Variants in HPSE2 observed in about 807,000 individuals in gnomAD.
The protein encoded by HPSE2 is heparanase 2 (inactive), also known as inactive heparanase-2.
Under a neutral mutation model 60.5 loss-of-function variants are expected in HPSE2, and 38 were observed. The observed-to-expected ratio is 0.63, with a 90% CI of 0.48 to 0.82. The LOEUF is 0.82. HPSE2 is among the 40% of genes least tolerant of loss of function. HPSE2 has a pLI of 0.00. For synonymous variants in HPSE2, 295 were observed against 293.2 expected, an observed-to-expected ratio of 1.01 and a Z score of -0.06; for missense variants, 713 against 740.4, an observed-to-expected ratio of 0.96 and a Z score of 0.43.
chr10:99,048,838 T>A (rs1019654924), intron 3 of HPSE2, among the ~76,000 whole-genome samples: 2 of 152,134 alleles, frequency 1.3e-5, no homozygotes, highest in Non-Finnish European at 2.9e-5. Context: ...TAGGTATCCA[T>A]CAGTGGTGGA....
intron 3 of HPSE2, among the ~76,000 whole-genome samples, chr10:98,859,276 A>G (rs2134769514): frequency 6.6e-6 from 1 of 152,292 alleles, no homozygotes; most frequent in Non-Finnish European, 1.5e-5. Context: ...ACACACACAT[A>G]TACACTATCT....
chr10:98,639,609 C>A (rs10786450), intron 7 of HPSE2, among the ~76,000 whole-genome samples: 15,224 of 152,176 alleles, frequency 0.1, 1,285 homozygotes, highest in East Asian at 0.28. Flanking sequence ...AGAGTTTTAG[C>A]TCTTTTCCTT....
chr10:99,313,173 C>T, the HPSE2 span, among the ~76,000 whole-genome samples: 2 of 152,148 alleles, frequency 1.3e-5, no homozygotes, highest in Non-Finnish European at 2.9e-5. Flanking sequence ...TGAGGTATTG[C>T]TTTCTAGCAA....
chr10:98,880,445 TA>T (rs146993718), intron 3 of HPSE2, among the ~76,000 whole-genome samples: 2,897 of 152,132 alleles, frequency 0.019, 102 homozygotes, highest in East Asian at 0.15. Context: ...CTGTTAGGGT[TA>T]GGTCTTGCTC....
chr10:99,007,241 A>G (rs893400623), intron 3 of HPSE2, among the ~76,000 whole-genome samples: 3 of 151,854 alleles, frequency 2.0e-5, no homozygotes, highest in African/African-American at 7.3e-5. Flanking sequence ...GTCCACACAT[A>G]CCAGCCTGGA....
chr10:98,702,321 G>C (rs1005954318), intron 5 of HPSE2, among the ~76,000 whole-genome samples: 9 of 152,128 alleles, frequency 5.9e-5, no homozygotes, highest in African/African-American at 2.2e-4. Flanking sequence ...CAAGTTCTTA[G>C]AGACCTATAA....
chr10:99,214,617 T>G (rs1034571732), intron 2 of HPSE2, among the ~76,000 whole-genome samples: 7 of 152,086 alleles, frequency 4.6e-5, no homozygotes, highest in Non-Finnish European at 8.8e-5. Context: ...CTAAAGAGCA[T>G]CTACACATCA....
intron 9 of HPSE2, among the ~76,000 whole-genome samples, chr10:98,551,757 G>T (rs188674616): frequency 0.011 from 1,641 of 150,862 alleles, 14 homozygotes; most frequent in Non-Finnish European, 0.016. Flanking sequence ...TTTCTTTTTT[G>T]CTTAAGTTAG....
At chr10:98,830,576 C>T (rs1029266856) in intron 3 of HPSE2, among the ~76,000 whole-genome samples, 1 of 152,170 alleles carries the variant, frequency 6.6e-6, no homozygotes, top group Non-Finnish European at 1.5e-5. Flanking sequence ...TGCTTGATAG[C>T]TACTAAGTCT....
intron 9 of HPSE2, among the ~76,000 whole-genome samples, chr10:98,492,098 A>G (rs1159146589): frequency 2.0e-5 from 3 of 152,218 alleles, no homozygotes; most frequent in Admixed American, 6.5e-5. Context: ...AATTTGAAAA[A>G]GCTAAACAGG....
chr10:98,943,385 C>G (rs1185569012), intron 3 of HPSE2, among the ~76,000 whole-genome samples: 1 of 151,598 alleles, frequency 6.6e-6, no homozygotes, highest in Admixed American at 6.6e-5. Context: ...AATATATTAC[C>G]TATTAAAATA....
At chr10:98,474,318 T>C (rs1332676574) in intron 11 of HPSE2, among the ~76,000 whole-genome samples, 1 of 152,180 alleles carries the variant, frequency 6.6e-6, no homozygotes, top group Non-Finnish European at 1.5e-5. Context: ...CAGGTATCAT[T>C]AGTGAGAGAT....
intron 2 of HPSE2, among the ~76,000 whole-genome samples, chr10:99,229,971 T>G (rs1849592022): frequency 6.6e-6 from 1 of 152,198 alleles, no homozygotes; most frequent in African/African-American, 2.4e-5. Flanking sequence ...CAATGCAACA[T>G]GCAACAACAA....
intron 3 of HPSE2, among the ~76,000 whole-genome samples, chr10:99,003,668 T>A (rs1956826328): frequency 6.6e-6 from 1 of 152,114 alleles, no homozygotes; most frequent in South Asian, 2.1e-4. Flanking sequence ...TGCCCAGTTA[T>A]TAATCAGTTT....
chr10:98,986,870 C>T (rs574029637), intron 3 of HPSE2, among the ~76,000 whole-genome samples: 41 of 152,174 alleles, frequency 2.7e-4, no homozygotes, highest in African/African-American at 4.1e-4. Context: ...AACACCTCTA[C>T]GGAAATAAAC....
At chr10:98,916,522 T>C (rs746228160) in intron 3 of HPSE2, among the ~76,000 whole-genome samples, 3 of 152,230 alleles carry the variant, frequency 2.0e-5, no homozygotes, top group Non-Finnish European at 4.4e-5. Flanking sequence ...AAACTGTTTC[T>C]TGGTTTTATG....
chr10:98,624,947 T>C (rs1231045674), intron 7 of HPSE2, among the ~76,000 whole-genome samples: 1 of 152,250 alleles, frequency 6.6e-6, no homozygotes, highest in Non-Finnish European at 1.5e-5. Flanking sequence ...GGTAGGATTC[T>C]GAACTACCAT....
At chr10:99,068,829 G>A (rs1477866148) in intron 3 of HPSE2, among the ~76,000 whole-genome samples, 1 of 152,106 alleles carries the variant, frequency 6.6e-6, no homozygotes, top group African/African-American at 2.4e-5. Flanking sequence ...ATGTAAATGA[G>A]TATTATGAAC....
At chr10:99,210,137 A>C (rs1848907286) in intron 2 of HPSE2, among the ~76,000 whole-genome samples, 1 of 152,226 alleles carries the variant, frequency 6.6e-6, no homozygotes. Context: ...GAAAACTACC[A>C]AGAGCAGTTA....
Sources: allele counts gnomAD v4.1 joint callset (sites outside exome capture counted in the v4.1 genomes callset), GRCh38; gene constraint gnomAD v4.1.1; transcripts MANE v1.5; gene names NCBI Gene and HGNC (gene_info 2026-07-23, HGNC 2026-07-21).